CHRM3: variants seen among roughly 807,000 people sequenced by gnomAD.
CHRM3 encodes the protein muscarinic acetylcholine receptor M3.
In CHRM3, 11 loss-of-function variants were observed where a neutral mutation model predicts 41.8. The observed-to-expected ratio is 0.26, with a 90% CI of 0.17 to 0.44. The LOEUF is 0.44. CHRM3 is among the 20% of genes least tolerant of loss of function. CHRM3 has a pLI of 1.00. For missense variants in CHRM3, 571 were observed against 745.4 expected, an observed-to-expected ratio of 0.77 and a Z score of 2.72; for synonymous variants, 297 against 301.4, an observed-to-expected ratio of 0.99 and a Z score of 0.15.
At position 239,907,664 on chromosome 1, in the gene CHRM3, C is replaced by T. The variant is rs199705116; in HGVS notation, c.213C>T (p.Ile71=). The T allele has an allele frequency of 2.8e-5, 45 of 1,614,156 alleles. No homozygotes were observed. Among genetic ancestry groups the T allele is most frequent in the Non-Finnish European group, 3.6e-5 (42 of 1,180,036 alleles). Residue 71 remains isoleucine, a synonymous_variant, in exon 7 of 7, where the codon ATC becomes ATT. Coordinates refer to ENST00000676153, the MANE Select transcript of CHRM3 (RefSeq NM_001375978.1). The surrounding 1 kb of genome is among the most constrained non-coding windows in gnomAD (Gnocchi z 5.4). ...ATACCGTCTGGCAAGTGGTCTTCAT[C>T]GCTTTCTTAACGGGCATCCTGGCCT... The part of the protein sequence containing the change: ...GGHTVWQVVF[I]AFLTGILALV...
chr1:239,627,699 TG>T (rs1424462611), intron 3 of CHRM3, among the ~76,000 whole-genome samples: 2 of 138,244 alleles, frequency 1.4e-5, no homozygotes, highest in African/African-American at 5.6e-5. Flanking sequence ...GCAGGCCTGG[TG>T]GTGACAAAAT....
rs1658655275 is a variant in CHRM3, at chr1:239,387,757, G to C, written c.-521+530G>C. On this transcript the variant is annotated intron_variant, in intron 1 of 6. Transcript: ENST00000676153. This position sits in a 1 kb window ranked among gnomAD's most constrained non-coding sequence, Gnocchi z 5.1. ...CTGGCACCCGCCAACCTCGCAGTGG[G>C]GCCGCAAGTTCGGATTGCATTTCAG... Among the ~76,000 whole-genome samples the C allele has an allele frequency of 6.6e-6, 1 of 152,134 alleles. No homozygotes were observed. Among genetic ancestry groups the C allele is most frequent in the Admixed American group, 6.5e-5 (1 of 15,280 alleles).
chr1:239,452,610 A>G lies in CHRM3; in HGVS notation c.-520-40099A>G, dbSNP rs546271647. On this transcript the variant is annotated intron_variant, in intron 1 of 6. Transcript: ENST00000676153. ...TCAGAATCTGTTGCTTGATGTCTGCAAACAAAGAATTAATGAATGTGTCAA... is the reference window on the plus strand; with the variant it reads ...TCAGAATCTGTTGCTTGATGTCTGCGAACAAAGAATTAATGAATGTGTCAA... Among the ~76,000 whole-genome samples the G allele has an allele frequency of 1.2e-3, 190 of 152,298 alleles. No individual in the cohort carries two copies. In the Middle Eastern group the frequency reaches 0.02, roughly 16 times the overall value.
chr1:239,822,391 A>G (rs1672125558), intron 5 of CHRM3, among the ~76,000 whole-genome samples: 1 of 152,208 alleles, frequency 6.6e-6, no homozygotes, highest in South Asian at 2.1e-4. Context: ...ACAAATTGCA[A>G]GAGAGCTTTT....
intron 2 of CHRM3, among the ~76,000 whole-genome samples, chr1:239,497,303 G>A (rs1440822577): frequency 6.6e-6 from 1 of 152,144 alleles, no homozygotes; most frequent in African/African-American, 2.4e-5. Flanking sequence ...AGTCAATTAA[G>A]TACATTAGTA....
At chr1:239,675,263 T>G (rs1047031929) in intron 4 of CHRM3, among the ~76,000 whole-genome samples, 1 of 152,220 alleles carries the variant, frequency 6.6e-6, no homozygotes, top group African/African-American at 2.4e-5. Flanking sequence ...CTTCGTACAG[T>G]CCAATTTCTC....
At chr1:239,644,611 A>C (rs1026879907) in intron 4 of CHRM3, among the ~76,000 whole-genome samples, 1 of 152,170 alleles carries the variant, frequency 6.6e-6, no homozygotes, top group Non-Finnish European at 1.5e-5. Context: ...AGCAACCAAA[A>C]TTCTTATCAG....
intron 4 of CHRM3, among the ~76,000 whole-genome samples, chr1:239,632,619 T>A (rs1014404876): frequency 6.6e-6 from 1 of 152,242 alleles, no homozygotes; most frequent in Non-Finnish European, 1.5e-5. Context: ...ATATAGGATC[T>A]TATAGCTTGT....
At chr1:239,510,692 A>G (rs1668861351) in intron 2 of CHRM3, among the ~76,000 whole-genome samples, 1 of 151,882 alleles carries the variant, frequency 6.6e-6, no homozygotes, top group African/African-American at 2.4e-5. Context: ...GTGAGCCACC[A>G]TGCCCAGCTA....
intron 5 of CHRM3, among the ~76,000 whole-genome samples, chr1:239,790,761 A>G (rs1669277907): frequency 6.6e-6 from 1 of 152,184 alleles, no homozygotes. Flanking sequence ...TTTACAGAAT[A>G]TTAGTTCCTA....
intron 3 of CHRM3, among the ~76,000 whole-genome samples, chr1:239,588,348 T>G (rs1663646737): frequency 1.3e-5 from 2 of 152,160 alleles, no homozygotes; most frequent in Admixed American, 1.3e-4. Context: ...GTATTTTTAT[T>G]TTGTTAACAA....
chr1:239,493,125 A>C (rs1667660996), intron 2 of CHRM3, among the ~76,000 whole-genome samples: 1 of 152,310 alleles, frequency 6.6e-6, no homozygotes, highest in Non-Finnish European at 1.5e-5. Flanking sequence ...AGATTTTTGC[A>C]AGGAAAAAAC....
At chr1:239,706,543 C>T (rs1661180885) in intron 5 of CHRM3, 1 of 152,248 alleles carries the variant, frequency 6.6e-6, no homozygotes. Context: ...CTCTTACTCC[C>T]CCACACAGGT....
In CHRM3 at chr1:239,908,702, A is replaced by T; in HGVS notation, c.1251A>T (p.Gly417=). 1 of 1,613,178 alleles carries T rather than the reference A, an allele frequency of 6.2e-7. No homozygotes were observed. Among genetic ancestry groups the T allele is most frequent in the South Asian group, 1.1e-5 (1 of 90,822 alleles). The change falls in exon 7 of 7, where the codon GGA becomes GGT. Residue 417 remains glycine (G), a synonymous_variant. Transcript: ENST00000676153. The surrounding 1 kb of genome is among the most constrained non-coding windows in gnomAD (Gnocchi z 7.2). ...KLQAQKSVDD[G]GSFPKSFSKL... ...AGGCCCAGAAGAGCGTGGACGATGG[A>T]GGCAGTTTTCCAAAAAGCTTCTCCA...
intron 6 of CHRM3, among the ~76,000 whole-genome samples, chr1:239,902,387 C>T (rs997349515): frequency 6.6e-6 from 1 of 152,092 alleles, no homozygotes; most frequent in Non-Finnish European, 1.5e-5. Context: ...CTGGGCCAAC[C>T]CAGAACTCAG....
Position 239,914,925 on chromosome 1 carries a change from C to G in CHRM3, c.*5701C>G, listed in dbSNP as rs973428599. Reference sequence around the variant, plus strand: ...AGCCTCCTACATGTAACACTTCAAACTTCCTCTGGGCGTCTGCTTAGAGCT... The same window carrying G: ...AGCCTCCTACATGTAACACTTCAAAGTTCCTCTGGGCGTCTGCTTAGAGCT... On this transcript the variant is annotated 3_prime_UTR_variant, in exon 7 of 7. Coordinates refer to ENST00000676153, the MANE Select transcript of CHRM3 (RefSeq NM_001375978.1). 3 of 167,064 alleles carry G rather than the reference C, an allele frequency of 1.8e-5. No individual in the cohort carries two copies. In the Admixed American group the frequency reaches 2.0e-4, roughly 11 times the overall value. The allele number at this position is 167,064 out of a possible 1,614,324, so 10.3% of individuals were successfully genotyped here. A position where few individuals can be genotyped will look rare whatever the true frequency, so the allele number is the denominator to read the frequency against.
intron 3 of CHRM3, among the ~76,000 whole-genome samples, chr1:239,603,195 C>T (rs941500458): frequency 3.3e-5 from 5 of 152,124 alleles, no homozygotes; most frequent in African/African-American, 1.2e-4. Flanking sequence ...TTCCTTATCA[C>T]AATAGGATAA....
intron 3 of CHRM3, among the ~76,000 whole-genome samples, chr1:239,617,975 G>A (rs1315445876): frequency 2.0e-5 from 3 of 151,954 alleles, no homozygotes; most frequent in African/African-American, 7.3e-5. Flanking sequence ...TAAGTATCCT[G>A]CTCATCCTGT....
At chr1:239,575,760 G>C (rs1159394332) in intron 3 of CHRM3, among the ~76,000 whole-genome samples, 1 of 151,460 alleles carries the variant, frequency 6.6e-6, no homozygotes, top group East Asian at 2.0e-4. Context: ...TGTATATATA[G>C]AGATATATAT....
Sources: allele counts gnomAD v4.1 joint callset (sites outside exome capture counted in the v4.1 genomes callset), GRCh38; gene constraint gnomAD v4.1.1; non-coding constraint Gnocchi (gnomAD v3.1); transcripts MANE v1.5; gene names NCBI Gene and HGNC (gene_info 2026-07-23, HGNC 2026-07-21).